AFF1: variants seen among roughly 807,000 people sequenced by gnomAD.
AFF1 encodes ALF transcription elongation factor 1, also known as AF4/FMR2 family member 1.
In AFF1, 48 loss-of-function variants were observed where a neutral mutation model predicts 121.7. The observed-to-expected ratio is 0.39, with a 90% CI of 0.31 to 0.50. AFF1 has a LOEUF of 0.50. AFF1 is among the 20% of genes least tolerant of loss of function. AFF1 has a pLI of 0.76. For missense variants in AFF1, 1,523 were observed against 1,511.7 expected (o/e 1.01, Z -0.12); for synonymous variants, 613 against 563.0 (o/e 1.09, Z -1.26).
At chr4:86,938,449 CAAAAAAAA>C (rs35867614) in intron 1 of AFF1, among the ~76,000 whole-genome samples, 2 of 100,076 alleles carry the variant, frequency 2.0e-5, no homozygotes, top group African/African-American at 7.3e-5. Flanking sequence ...GACTCCGTCT[CAAAAAAAA>C]AAAAAAAAAA....
intron 4 of AFF1, among the ~76,000 whole-genome samples, chr4:87,081,466 GA>G (rs1207141773): frequency 6.6e-6 from 1 of 152,064 alleles, no homozygotes; most frequent in Non-Finnish European, 1.5e-5. Context: ...CCGGCCGTAT[GA>G]AATGATTTTT....
intron 2 of AFF1, among the ~76,000 whole-genome samples, chr4:86,996,472 G>A (rs540422388): frequency 4.5e-4 from 68 of 151,874 alleles, no homozygotes; most frequent in Non-Finnish European, 9.0e-4. Context: ...ACTCAGGGTT[G>A]AATGGATTAA....
intron 2 of AFF1, among the ~76,000 whole-genome samples, chr4:87,005,954 T>C (rs1437303127): frequency 7.1e-6 from 1 of 140,322 alleles, no homozygotes; most frequent in East Asian, 1.9e-4. Flanking sequence ...GAAAAGACAA[T>C]GTCTTTGTGT....
chr4:86,995,264 C>G (rs959367152), intron 2 of AFF1, among the ~76,000 whole-genome samples: 1 of 120,438 alleles, frequency 8.3e-6, no homozygotes, highest in Non-Finnish European at 1.8e-5. Context: ...AAAAATCTAC[C>G]CCCTTCCCCC....
chr4:86,979,031 A>G (rs1042164191), intron 2 of AFF1, among the ~76,000 whole-genome samples: 1 of 152,162 alleles, frequency 6.6e-6, no homozygotes, highest in Non-Finnish European at 1.5e-5. Context: ...AGTTTGCCTC[A>G]TGTACTCTCA....
intron 2 of AFF1, among the ~76,000 whole-genome samples, chr4:86,973,016 G>A (rs1723050891): frequency 6.6e-6 from 1 of 152,176 alleles, no homozygotes; most frequent in African/African-American, 2.4e-5. Flanking sequence ...GAAAAGGAAA[G>A]GGAGAGAAGA....
At chr4:87,131,493 G>T (rs180714999) in intron 17 of AFF1, among the ~76,000 whole-genome samples, 56 of 152,280 alleles carry the variant, frequency 3.7e-4, no homozygotes, top group African/African-American at 7.5e-4. Context: ...TTTTTATGAA[G>T]TGTCCTCTCC....
chr4:86,983,383 G>A lies in AFF1; in HGVS notation c.38+34812G>A, dbSNP rs1366754355. On this transcript the variant is annotated intron_variant, in intron 2 of 20. Transcript: ENST00000395146. ...CTCTACTAAAAATATAAAATCAGCCGGGCATGGTGGCACATGCCTGTAGTC... is the reference window on the plus strand; with the variant it reads ...CTCTACTAAAAATATAAAATCAGCCAGGCATGGTGGCACATGCCTGTAGTC... Among the ~76,000 whole-genome samples the A allele has an allele frequency of 5.9e-5, 9 of 152,020 alleles. No homozygotes were observed. In the South Asian group the frequency reaches 8.3e-4, roughly 14 times the overall value.
chr4:87,130,400 C>T (rs1728720175), intron 16 of AFF1, among the ~76,000 whole-genome samples: 1 of 152,228 alleles, frequency 6.6e-6, no homozygotes, highest in Admixed American at 6.5e-5. Flanking sequence ...AGTTGCATCA[C>T]ACTGTCATCA....
rs1727197825 is a variant in AFF1 at position 87,117,051 on chromosome 4, ACAGGTACT to A, written c.2466+1755_2466+1762del. 2.0e-5 allele frequency among the ~76,000 whole-genome samples: 3 copies of A among 152,128 alleles called. No individual in the cohort carries two copies. In the South Asian group the frequency reaches 6.2e-4, roughly 32 times the overall value. ...ACCGTCTGCATTAGCTGGAGTGGGG[ACAGGTACT>A]CACTTCTGAAAGGATTACCTACCAG... On this transcript the variant is annotated intron_variant, in intron 12 of 20. Transcript: ENST00000395146.
chr4:87,126,390 C>A (rs765242116), intron 14 of AFF1, 54 bp downstream of exon 14: 32 of 1,534,204 alleles, frequency 2.1e-5, no homozygotes, highest in Non-Finnish European at 2.9e-5. Context: ...TGTACCTTTA[C>A]GTTCCCAAAG....
chr4:86,998,704 TCTTC>T (rs1319350788), intron 2 of AFF1, among the ~76,000 whole-genome samples: 9 of 152,214 alleles, frequency 5.9e-5, no homozygotes, highest in African/African-American at 1.9e-4. Flanking sequence ...ACTATGAATG[TCTTC>T]CTTGTCATTA....
chr4:87,088,044 C>T (rs559381235), intron 5 of AFF1, among the ~76,000 whole-genome samples: 3 of 152,266 alleles, frequency 2.0e-5, no homozygotes, highest in African/African-American at 4.8e-5. Context: ...TCATTCAGTA[C>T]GGTACATAAA....
At chr4:86,998,058 A>G (rs1218405829) in intron 2 of AFF1, among the ~76,000 whole-genome samples, 3 of 134,734 alleles carry the variant, frequency 2.2e-5, no homozygotes, top group East Asian at 4.7e-4. Context: ...AGATTGTGCC[A>G]TTGCACTCTG....
At chr4:86,978,777 G>A (rs1020008249) in intron 2 of AFF1, among the ~76,000 whole-genome samples, 2 of 152,104 alleles carry the variant, frequency 1.3e-5, no homozygotes, top group Non-Finnish European at 2.9e-5. Flanking sequence ...TGCGTATTAT[G>A]TTTTACTGGA....
intron 2 of AFF1, among the ~76,000 whole-genome samples, chr4:86,995,533 C>G (rs970766027): frequency 2.0e-5 from 3 of 151,970 alleles, no homozygotes; most frequent in Non-Finnish European, 2.9e-5. Flanking sequence ...GGGCTGGTCT[C>G]CAGCTCCTAA....
At chr4:87,010,431 A>C (rs1052889633) in intron 2 of AFF1, among the ~76,000 whole-genome samples, 2 of 152,220 alleles carry the variant, frequency 1.3e-5, no homozygotes, top group Non-Finnish European at 2.9e-5. Context: ...TTTGGAACCT[A>C]TAAACATAAC....
Position 87,047,470 on chromosome 4 carries a change from G to A in AFF1, c.935G>A (p.Ser312Asn). Reference protein sequence around the residue: ...RPMDGQDQAPSESPELKPLPE... With the variant: ...RPMDGQDQAPNESPELKPLPE... ...ATGGATGGTCAAGATCAGGCCCCTA[G>A]TGAATCCCCTGAACTGAAACCACTG... Residue 312 changes from serine to asparagine, a missense_variant, in exon 4 of 21, where the codon AGT becomes AAT. Ser to Asn is a conservative substitution (Grantham distance 46). Around this residue, in one of 5 missense-constraint regions of AFF1, gnomAD observed 905 missense variants for 842.5 expected, o/e 1.07. Transcript: ENST00000395146. The A allele has an allele frequency of 6.2e-7, 1 of 1,614,158 alleles. No individual in the cohort carries two copies. Among genetic ancestry groups the A allele is most frequent in the Non-Finnish European group, 8.5e-7 (1 of 1,180,026 alleles).
Position 86,975,162 on chromosome 4 carries a change from A to G in AFF1, c.38+26591A>G, listed in dbSNP as rs146072664. 8.7e-4 allele frequency among the ~76,000 whole-genome samples: 133 copies of G among 152,148 alleles called. No homozygotes were observed. The East Asian group carries it at 0.024, about 27-fold the overall frequency. ...TTTCCCCCAAAAGCCATGTTTTCCC[A>G]TTCCTCTGTGTTTCTGACCATATTG... On this transcript the variant is annotated intron_variant, in intron 2 of 20. Coordinates refer to ENST00000395146, the MANE Select transcript of AFF1 (RefSeq NM_001166693.3).
Sources: gnomAD v4.1 joint callset for allele counts (sites outside exome capture counted in the v4.1 genomes callset) on GRCh38, gnomAD v4.1.1 for gene constraint, gnomAD v4.1.1 regional missense constraint, MANE v1.5 for transcripts, NCBI Gene and HGNC (gene_info 2026-07-23, HGNC 2026-07-21) for gene names.